DLG2: variants seen among roughly 807,000 people sequenced by gnomAD.
DLG2 encodes discs large MAGUK scaffold protein 2, also known as disks large homolog 2.
In DLG2, 45 loss-of-function variants were observed where a neutral mutation model predicts 132.5. The ratio of observed to expected loss-of-function variants is 0.34; its 90% CI spans 0.27 to 0.44. The LOEUF (loss-of-function observed/expected upper bound fraction) is 0.44. DLG2 is among the 20% of genes least tolerant of loss of function. The probability of loss-of-function intolerance (pLI) is 1.00; values close to 1 mark genes in which losing one functional copy is unlikely to be tolerated. For synonymous variants in DLG2, 424 were observed against 419.6 expected (o/e 1.01, Z -0.13); for missense variants, 1,045 against 1,196.9 (o/e 0.87, Z 1.87).
intron 7 of DLG2, among the ~76,000 whole-genome samples, chr11:84,263,056 C>G: frequency 6.6e-6 from 1 of 152,094 alleles, no homozygotes; most frequent in Non-Finnish European, 1.5e-5. Context: ...ACTAGGGAGT[C>G]AGGAGATCTT....
intron 6 of DLG2, among the ~76,000 whole-genome samples, chr11:85,098,948 A>G (rs2070389021): frequency 6.6e-6 from 1 of 152,148 alleles, no homozygotes; most frequent in Admixed American, 6.6e-5. Context: ...TTTTGATTAG[A>G]TGCTTCTTGT....
chr11:85,229,180 A>G (rs529271828), intron 4 of DLG2, among the ~76,000 whole-genome samples: 1,821 of 89,280 alleles, frequency 0.02, 19 homozygotes, highest in Admixed American at 0.034. Context: ...ATAGATCAAC[A>G]ACACAGTATT....
chr11:84,399,618 G>T (rs1426384779), intron 7 of DLG2, among the ~76,000 whole-genome samples: 2 of 151,900 alleles, frequency 1.3e-5, no homozygotes, highest in African/African-American at 4.8e-5. Flanking sequence ...GGTTTCACTG[G>T]GTTGGCCAGG....
intron 7 of DLG2, among the ~76,000 whole-genome samples, chr11:84,414,030 T>C (rs1193231470): frequency 6.6e-6 from 1 of 152,148 alleles, no homozygotes; most frequent in Non-Finnish European, 1.5e-5. Context: ...ATCTCTTATA[T>C]ATGCAGAAAA....
rs535200960 is a variant in DLG2, at chr11:84,571,230, CTT to C, written c.358-36501_358-36500del. On this transcript the variant is annotated intron_variant, in intron 6 of 27. Transcript: ENST00000376104. The stretch of plus-strand genomic sequence containing the variant: ...CACTCCCCTACCTCCTTTTCTTCCT[CTT>C]TTCTTTCTCTTCTTTTTTCCCATCT... Among the ~76,000 whole-genome samples, 763 of 152,170 alleles carry C rather than the reference CTT, an allele frequency of 5.0e-3. 6 individuals are homozygous for C. The highest frequency in any genetic ancestry group is 0.037 in the Middle Eastern group (11 of 294).
chr11:83,712,340 C>A (rs373769691), intron 18 of DLG2, among the ~76,000 whole-genome samples: 23 of 152,138 alleles, frequency 1.5e-4, no homozygotes, highest in African/African-American at 5.3e-4. Flanking sequence ...TAAAAAGGAT[C>A]AAGATTTGCC....
At chr11:84,066,194 T>C (rs143924733) in intron 10 of DLG2, among the ~76,000 whole-genome samples, 2 of 151,878 alleles carry the variant, frequency 1.3e-5, no homozygotes, top group South Asian at 2.1e-4. Flanking sequence ...ATAACAAACA[T>C]GCACATGTAC....
chr11:85,084,921 T>C (rs1294468761), intron 6 of DLG2, among the ~76,000 whole-genome samples: 3 of 152,180 alleles, frequency 2.0e-5, no homozygotes, highest in Non-Finnish European at 4.4e-5. Flanking sequence ...ATGTCGAAGA[T>C]AGCCTCTCAA....
intron 9 of DLG2, among the ~76,000 whole-genome samples, chr11:84,117,788 T>C (rs2093705433): frequency 1.3e-5 from 2 of 152,232 alleles, no homozygotes; most frequent in South Asian, 4.1e-4. Context: ...ATTTGTTGAA[T>C]AAATAAATTA....
chr11:83,703,925 G>A (rs917377906), intron 18 of DLG2, among the ~76,000 whole-genome samples: 2 of 151,302 alleles, frequency 1.3e-5, no homozygotes, highest in African/African-American at 4.9e-5. Context: ...TTTTACAAAA[G>A]AAAAAAAATG....
intron 18 of DLG2, among the ~76,000 whole-genome samples, chr11:83,670,391 A>G (rs868076285): frequency 2.6e-5 from 4 of 150,962 alleles, no homozygotes; most frequent in African/African-American, 9.8e-5. Context: ...GAAAAAAAAA[A>G]CCCATCACTG....
At chr11:84,545,529 T>A in intron 6 of DLG2, 1 of 390,558 alleles carries the variant, frequency 2.6e-6, no homozygotes, top group Non-Finnish European at 5.0e-6. Context: ...AGCACTAGCC[T>A]TCTCTTGCTT....
At chr11:83,526,982 C>T (rs1428671489) in intron 21 of DLG2, among the ~76,000 whole-genome samples, 3 of 152,180 alleles carry the variant, frequency 2.0e-5, no homozygotes, top group Non-Finnish European at 2.9e-5. Flanking sequence ...TTTGTCTTTA[C>T]ACCTCCACAT....
At chr11:85,393,979 G>T (rs1385345875) in intron 3 of DLG2, among the ~76,000 whole-genome samples, 1 of 152,042 alleles carries the variant, frequency 6.6e-6, no homozygotes, top group East Asian at 1.9e-4. Flanking sequence ...GGGGATGGGT[G>T]CACCAAAATC....
rs55986684 is a variant in DLG2 at position 83,472,749 on chromosome 11, A to G, written c.2322T>C (p.Tyr774=). The G allele has an allele frequency of 1.9e-5, 31 of 1,612,200 alleles. No homozygotes were observed. Among genetic ancestry groups the G allele is most frequent in the Non-Finnish European group, 2.4e-5 (28 of 1,178,924 alleles). Reference sequence around the variant, plus strand: ...TACTTTCCTGCCTTGTAACAGGCTCATAGGAAAGAATGAGGTCTTCTTGTC... The same window carrying G: ...TACTTTCCTGCCTTGTAACAGGCTCGTAGGAAAGAATGAGGTCTTCTTGTC... ...ERGQEDLILS[Y]EPVTRQEINY... is the part of the protein sequence containing the mutation. Residue 774 remains tyrosine, a synonymous_variant, in exon 23 of 28, where the codon TAT becomes TAC. Transcript: ENST00000376104.
intron 10 of DLG2, among the ~76,000 whole-genome samples, chr11:84,076,640 C>T (rs1404737519): frequency 3.9e-5 from 6 of 152,150 alleles, no homozygotes; most frequent in African/African-American, 1.4e-4. Context: ...TCTGGCAAAA[C>T]CCCAACCCTG....
At chr11:83,646,286 T>C (rs961525861) in intron 18 of DLG2, among the ~76,000 whole-genome samples, 5 of 152,066 alleles carry the variant, frequency 3.3e-5, no homozygotes, top group African/African-American at 1.2e-4. Context: ...TGAGTCACTA[T>C]CTGAATCCTT....
chr11:85,515,518 G>A (rs1271495769), intron 3 of DLG2, among the ~76,000 whole-genome samples: 1 of 151,858 alleles, frequency 6.6e-6, no homozygotes, highest in Non-Finnish European at 1.5e-5. Context: ...TGAAAATTGA[G>A]GATATTAATA....
intron 15 of DLG2, among the ~76,000 whole-genome samples, chr11:83,892,869 G>GA (rs2070374699): frequency 6.6e-6 from 1 of 152,014 alleles, no homozygotes; most frequent in Admixed American, 6.6e-5. Flanking sequence ...TATGACAAAG[G>GA]AAAAAATAAA....
Sources: gnomAD v4.1 joint callset for allele counts (sites outside exome capture counted in the v4.1 genomes callset) on GRCh38, gnomAD v4.1.1 for gene constraint, MANE v1.5 for transcripts, NCBI Gene and HGNC (gene_info 2026-07-23, HGNC 2026-07-21) for gene names.